Variants in TTC39A observed in about 807,000 individuals in gnomAD.
TTC39A encodes the protein tetratricopeptide repeat domain 39A.
A neutral mutation model predicts 82.3 loss-of-function variants in TTC39A; 46 were observed. That is an observed-to-expected ratio of 0.56 (90% CI 0.44 to 0.71). TTC39A has a LOEUF of 0.71. Among genes scored for constraint, TTC39A ranks in the 30% least tolerant of loss-of-function variants. TTC39A has a pLI of 0.00. For missense variants in TTC39A, 543 were observed against 712.9 expected (o/e 0.76, Z 2.71); for synonymous variants, 254 against 275.2 (o/e 0.92, Z 0.76).
chr1:51,297,179 G>A (rs1286230281), intron 12 of TTC39A: 5 of 151,854 alleles, frequency 3.3e-5, no homozygotes, highest in Non-Finnish European at 7.4e-5. Flanking sequence ...GCCACGGCGG[G>A]AAGAGTCTCC....
chr1:51,337,309 C>G (rs141520122), intron 1 of TTC39A, among the ~76,000 whole-genome samples: 5 of 152,258 alleles, frequency 3.3e-5, no homozygotes, highest in African/African-American at 1.2e-4. Flanking sequence ...GCCCTTTGGA[C>G]TTGCTATTCC....
chr1:51,322,383 C>A (rs1383736935), intron 1 of TTC39A: 3 of 988,666 alleles, frequency 3.0e-6, no homozygotes, highest in Admixed American at 3.8e-5. Flanking sequence ...ATACCTGAGC[C>A]CTTTCCAGTC....
In TTC39A at chr1:51,309,349, G is replaced by A. The variant is rs368834619; in HGVS notation, c.424-24C>T. 142 of 1,612,544 alleles carry A rather than the reference G, an allele frequency of 8.8e-5. 1 individual carries two copies. The highest frequency in any genetic ancestry group is 5.3e-4 in the African/African-American group (40 of 75,022). On this transcript the variant is annotated intron_variant, in intron 5 of 17. Transcript: ENST00000680483. ...TCCTGCAGGAGGAAAAGATGCTGAC[G>A]GCCTGGCCCAGGTGGGCAGCTGCAG...
chr1:51,341,894 C>T (rs1646042421), intron 1 of TTC39A, among the ~76,000 whole-genome samples: 2 of 152,184 alleles, frequency 1.3e-5, no homozygotes, highest in Non-Finnish European at 2.9e-5. Flanking sequence ...AAACTCCCAA[C>T]CTAGAAGCAT....
chr1:51,311,700 A>AT (rs563296536), intron 4 of TTC39A, among the ~76,000 whole-genome samples: 134 of 152,344 alleles, frequency 8.8e-4, no homozygotes, highest in South Asian at 4.8e-3. Flanking sequence ...TAGATGGACC[A>AT]TGACACCCCA....
At chr1:51,323,713 T>C (rs1645610770) in intron 1 of TTC39A, among the ~76,000 whole-genome samples, 1 of 152,250 alleles carries the variant, frequency 6.6e-6, no homozygotes, top group South Asian at 2.1e-4. Context: ...TTTTTCATTT[T>C]GTGAAATTCC....
intron 1 of TTC39A, among the ~76,000 whole-genome samples, chr1:51,341,765 G>T (rs964116312): frequency 2.0e-5 from 3 of 152,164 alleles, no homozygotes; most frequent in Non-Finnish European, 2.9e-5. Context: ...AATCACAAAT[G>T]CTTCAACTTG....
At chr1:51,320,705 G>C (rs1418397701) in intron 2 of TTC39A, among the ~76,000 whole-genome samples, 1 of 150,878 alleles carries the variant, frequency 6.6e-6, no homozygotes, top group African/African-American at 2.4e-5. Context: ...TACCTGCCTC[G>C]ACCTCCCAAA....
intron 16 of TTC39A, 133 bp downstream of exon 16, chr1:51,289,872 A>C: frequency 1.5e-6 from 1 of 674,596 alleles, no homozygotes; most frequent in Non-Finnish European, 2.5e-6. Context: ...CAGAGTGGAC[A>C]CTGGTTTAGT....
chr1:51,313,035 G>A, intron 2 of TTC39A, 92 bp from the exon 3 acceptor site: 1 of 1,527,066 alleles, frequency 6.5e-7, no homozygotes, highest in Non-Finnish European at 8.9e-7. Flanking sequence ...CCTCCATTCT[G>A]CAGTGAGGTG....
At chr1:51,304,959 CAAT>C in intron 8 of TTC39A, 119 bp downstream of exon 8, 4 of 1,036,678 alleles carry the variant, frequency 3.9e-6, no homozygotes, top group Non-Finnish European at 5.9e-6. Flanking sequence ...CAGGGCCATA[CAAT>C]GAGAGGGGCT....
chr1:51,338,018 T>C (rs1038794399), intron 1 of TTC39A, among the ~76,000 whole-genome samples: 5 of 152,200 alleles, frequency 3.3e-5, no homozygotes, highest in African/African-American at 1.2e-4. Flanking sequence ...TTTTGCATTA[T>C]TGTTTTGTTC....
At chr1:51,312,260 C>G in intron 3 of TTC39A, 65 bp from the exon 4 acceptor site, 1 of 1,431,498 alleles carries the variant, frequency 7.0e-7, no homozygotes, top group South Asian at 1.2e-5. Flanking sequence ...CTCTGCCCCT[C>G]TCTGCTACAC....
chr1:51,323,610 T>C (rs572566974), intron 1 of TTC39A, among the ~76,000 whole-genome samples: 1 of 152,362 alleles, frequency 6.6e-6, no homozygotes, highest in East Asian at 1.9e-4. Flanking sequence ...TGTTAGATCC[T>C]GAGTAATTTC....
chr1:51,315,341 G>A (rs746271514), intron 2 of TTC39A, among the ~76,000 whole-genome samples: 1 of 152,180 alleles, frequency 6.6e-6, no homozygotes. Flanking sequence ...CAAACCTCAG[G>A]CACTCCAAGT....
intron 2 of TTC39A, among the ~76,000 whole-genome samples, chr1:51,319,298 A>C (rs1016561067): frequency 6.6e-6 from 1 of 152,196 alleles, no homozygotes. Flanking sequence ...TCTTCCAAAA[A>C]TCAGATGGAA....
At chr1:51,320,421 T>C (rs1226727373) in intron 2 of TTC39A, among the ~76,000 whole-genome samples, 17 of 142,570 alleles carry the variant, frequency 1.2e-4, no homozygotes, top group East Asian at 1.0e-3. Flanking sequence ...TTTTTCTTTT[T>C]TTTTTTTTTT....
upstream of TTC39A, chr1:51,330,623 G>A (rs1414036844): frequency 3.1e-6 from 3 of 983,346 alleles, no homozygotes; most frequent in East Asian, 2.3e-4. This position sits in a 1 kb window ranked among gnomAD's most constrained non-coding sequence, Gnocchi z 4.5. Flanking sequence ...CGGCGGGGCC[G>A]GGCCGAGCCT....
chr1:51,303,305 C>T lies in TTC39A; in HGVS notation c.655-113G>A, dbSNP rs1644748778. 2.1e-5 allele frequency: 19 copies of T among 893,760 alleles called. No individual in the cohort carries two copies. The South Asian group carries it at 3.2e-4, about 15-fold the overall frequency. The allele number at this position is 893,760 out of a possible 1,614,324, so 55.4% of individuals were successfully genotyped here. On this transcript the variant is annotated intron_variant, in intron 8 of 17. Coordinates refer to ENST00000680483, the MANE Select transcript of TTC39A (RefSeq NM_001297663.2). ...ACAGGGGCGGAAGAGCACTGGAACC[C>T]TGGGGGCCAGGTCAGCTGTGTGGCC... is the stretch of plus-strand genomic sequence containing the variant.
Sources: gnomAD v4.1 joint callset for allele counts (sites outside exome capture counted in the v4.1 genomes callset) on GRCh38, gnomAD v4.1.1 for gene constraint, Gnocchi (gnomAD v3.1) non-coding constraint, MANE v1.5 for transcripts, NCBI Gene and HGNC (gene_info 2026-07-23, HGNC 2026-07-21) for gene names.